Variants in FAM149B1 observed in about 807,000 individuals in gnomAD.
The protein encoded by FAM149B1 is family with sequence similarity 149 member B1, also known as primary cilium assembly protein FAM149B1.
FAM149B1 carries 56 observed loss-of-function variants against 75.3 expected under a neutral mutation model. That is an observed-to-expected ratio of 0.74 (90% confidence interval 0.60 to 0.93). The LOEUF is 0.93. Among genes scored for constraint, FAM149B1 ranks in the 40% least tolerant of loss-of-function variants. The probability of loss-of-function intolerance (pLI) is 0.00; values close to 1 mark genes in which losing one functional copy is unlikely to be tolerated. For missense variants in FAM149B1, 639 were observed against 708.4 expected (o/e 0.90, Z 1.11); for synonymous variants, 259 against 256.1 (o/e 1.01, Z -0.11).
chr10:73,185,443 G>C (rs2042496475), intron 3 of FAM149B1, among the ~76,000 whole-genome samples: 1 of 152,066 alleles, frequency 6.6e-6, no homozygotes, highest in African/African-American at 2.4e-5. Flanking sequence ...CAGGTACTTG[G>C]GAGGCTGAGG....
chr10:73,242,372 T>G lies in FAM149B1; in HGVS notation c.*1353T>G, dbSNP rs1453175720. The G allele has an allele frequency of 6.6e-6, 1 of 152,146 alleles. No homozygotes were observed. The highest frequency in any genetic ancestry group is 1.5e-5 in the Non-Finnish European group (1 of 68,036). 9.4% of individuals were successfully genotyped at this position (152,146 alleles called of 1,614,324 possible). A position where few individuals can be genotyped will look rare whatever the true frequency, so the allele number is the denominator to read the frequency against. On this transcript the variant is annotated 3_prime_UTR_variant, in exon 14 of 14. Coordinates refer to ENST00000242505, the MANE Select transcript of FAM149B1 (RefSeq NM_173348.2). ...GTTCTCACAAACCATTACCATGAGT[T>G]CACTATAACAACTGGATCAATATGG...
chr10:73,172,648 A>G (rs1207624648), intron 1 of FAM149B1, among the ~76,000 whole-genome samples: 2 of 152,214 alleles, frequency 1.3e-5, no homozygotes, highest in African/African-American at 4.8e-5. Context: ...ATTACTAGGA[A>G]CATATATTGA....
chr10:73,209,737 G>T (rs1176752434), intron 6 of FAM149B1, among the ~76,000 whole-genome samples: 2 of 152,180 alleles, frequency 1.3e-5, no homozygotes, highest in Non-Finnish European at 2.9e-5. Context: ...ACATTAACCT[G>T]TTAAACTATT....
chr10:73,233,173 A>C lies in FAM149B1; in HGVS notation c.1352+10A>C, dbSNP rs1296221263. On this transcript the variant is annotated intron_variant, in intron 10 of 13. Coordinates refer to ENST00000242505, the MANE Select transcript of FAM149B1 (RefSeq NM_173348.2). ...TCAGAGGAGCCCGAGTGTAGGTTTC[A>C]AAAGCAGAACTTCTGGAAACCGTGG... The C allele has an allele frequency of 5.2e-6, 8 of 1,533,906 alleles. No individual in the cohort carries two copies. Among genetic ancestry groups the C allele is most frequent in the South Asian group, 4.8e-5 (4 of 83,668 alleles).
intron 7 of FAM149B1, among the ~76,000 whole-genome samples, chr10:73,226,206 AT>A (rs2043542685): frequency 1.3e-5 from 2 of 151,438 alleles, no homozygotes; most frequent in African/African-American, 4.9e-5. Context: ...GCATATAATG[AT>A]TAAAAGTACA....
At chr10:73,203,624 A>G (rs987478347) in intron 5 of FAM149B1, among the ~76,000 whole-genome samples, 2 of 151,542 alleles carry the variant, frequency 1.3e-5, no homozygotes, top group African/African-American at 4.9e-5. Flanking sequence ...TGGCAATTAT[A>G]AACAATTCTG....
chr10:73,230,598 T>A, intron 9 of FAM149B1, 73 bp downstream of exon 9: 1 of 848,216 alleles, frequency 1.2e-6, no homozygotes, highest in Non-Finnish European at 2.0e-6. Context: ...AGTTTATCAG[T>A]ATGCATGTAT....
Position 73,228,302 on chromosome 10 carries a change from G to GTGTT in FAM149B1, c.1023+120_1023+123dup, listed in dbSNP as rs1448990509. The GTGTT allele has an allele frequency of 6.4e-6, 5 of 782,346 alleles. No individual in the cohort carries two copies. In the Admixed American group the frequency reaches 1.4e-4, roughly 21 times the overall value. 48.5% of individuals were successfully genotyped at this position (782,346 alleles called of 1,614,324 possible). A position where few individuals can be genotyped will look rare whatever the true frequency, so the allele number is the denominator to read the frequency against. On this transcript the variant is annotated intron_variant, in intron 8 of 13. Coordinates refer to ENST00000242505, the MANE Select transcript of FAM149B1 (RefSeq NM_173348.2). ...ACTCAATATGTTTTAGTACAGTTAT[G>GTGTT]TGTTTATCATAATAATCCAGTGACT...
At chr10:73,181,689 A>C (rs1032360307) in intron 3 of FAM149B1, among the ~76,000 whole-genome samples, 2 of 152,180 alleles carry the variant, frequency 1.3e-5, no homozygotes, top group Admixed American at 1.3e-4. Flanking sequence ...GAGAATGATC[A>C]ATGTGCTGAG....
chr10:73,192,244 A>C, intron 3 of FAM149B1: 1 of 140,522 alleles, frequency 7.1e-6, no homozygotes, highest in Non-Finnish European at 1.4e-5. Flanking sequence ...CAAGTGAAGC[A>C]GTAGGAGTGG....
intron 7 of FAM149B1, among the ~76,000 whole-genome samples, chr10:73,218,854 T>G (rs2043349021): frequency 6.6e-6 from 1 of 152,130 alleles, no homozygotes; most frequent in African/African-American, 2.4e-5. Flanking sequence ...TCCCCTCAAT[T>G]TATCTCTCTC....
chr10:73,222,570 G>T (rs570735203), intron 7 of FAM149B1, among the ~76,000 whole-genome samples: 1 of 152,140 alleles, frequency 6.6e-6, no homozygotes, highest in South Asian at 2.1e-4. Flanking sequence ...CTATGAATCC[G>T]AGCTGCCTTG....
intron 1 of FAM149B1, among the ~76,000 whole-genome samples, chr10:73,174,359 A>G (rs994780725): frequency 1.3e-5 from 2 of 152,148 alleles, no homozygotes; most frequent in African/African-American, 4.8e-5. Flanking sequence ...TAGCTGTTCT[A>G]ATTGGTGTGT....
intron 10 of FAM149B1, 22 bp from the exon 11 acceptor site, chr10:73,234,795 T>C (rs1377244196): frequency 6.4e-7 from 1 of 1,550,412 alleles, no homozygotes; most frequent in Non-Finnish European, 8.7e-7. Context: ...CATACCTTCG[T>C]GTTTGTTGGT....
intron 7 of FAM149B1, among the ~76,000 whole-genome samples, chr10:73,224,374 A>G (rs924843214): frequency 4.6e-5 from 7 of 152,194 alleles, no homozygotes; most frequent in African/African-American, 1.7e-4. Flanking sequence ...GAAAACATAC[A>G]TCAGAAACTA....
At chr10:73,192,387 C>A in intron 3 of FAM149B1, 169 bp from the exon 4 acceptor site, 1 of 635,016 alleles carries the variant, frequency 1.6e-6, no homozygotes. Context: ...CCTGAAAATT[C>A]CGAGATCTGA....
In FAM149B1 at chr10:73,243,982, C is replaced by A. The variant is rs2043980955; in HGVS notation, c.*2963C>A. On this transcript the variant is annotated 3_prime_UTR_variant, in exon 14 of 14. Coordinates refer to ENST00000242505, the MANE Select transcript of FAM149B1 (RefSeq NM_173348.2). ...GGGCCACCAGGAAATGCTTAAAATA[C>A]ATACTCTTTCCCAAAAGCAAATCTA... The A allele has an allele frequency of 3.5e-6, 5 of 1,440,546 alleles. No homozygotes were observed. The East Asian group carries it at 9.1e-5, about 26-fold the overall frequency. The allele number at this position is 1,440,546 out of a possible 1,614,324, so 89.2% of individuals were successfully genotyped here. A position where few individuals can be genotyped will look rare whatever the true frequency, so the allele number is the denominator to read the frequency against.
chr10:73,185,652 G>A (rs903815366), intron 3 of FAM149B1, among the ~76,000 whole-genome samples: 7 of 152,090 alleles, frequency 4.6e-5, no homozygotes, highest in African/African-American at 7.2e-5. Flanking sequence ...AATATTTAAA[G>A]AAGAAATCAG....
rs542207388 is a variant in FAM149B1 at position 73,191,192 on chromosome 10, C to T, written c.283-1364C>T. On this transcript the variant is annotated intron_variant, in intron 3 of 13. Coordinates refer to ENST00000242505, the MANE Select transcript of FAM149B1 (RefSeq NM_173348.2). Reference sequence around the variant, plus strand: ...AGTAGCTGGGATTACTGGCGTGAGCCGTGACGCCCAGCTAATTTTGTATTT... The same window carrying T: ...AGTAGCTGGGATTACTGGCGTGAGCTGTGACGCCCAGCTAATTTTGTATTT... Among the ~76,000 whole-genome samples, 8 of 151,844 alleles carry T rather than the reference C, an allele frequency of 5.3e-5. No individual in the cohort carries two copies. In the East Asian group the frequency reaches 5.8e-4, roughly 11 times the overall value.
Sources: gnomAD v4.1 joint callset for allele counts (sites outside exome capture counted in the v4.1 genomes callset) on GRCh38, gnomAD v4.1.1 for gene constraint, MANE v1.5 for transcripts, NCBI Gene and HGNC (gene_info 2026-07-23, HGNC 2026-07-21) for gene names.